The following PRMT3 variants were observed in gnomAD, a reference collection of about 807,000 sequenced individuals.
PRMT3 encodes protein arginine methyltransferase 3.
PRMT3 carries 62 observed loss-of-function variants against 71.9 expected under a neutral mutation model. The ratio of observed to expected loss-of-function variants is 0.86; its 90% confidence interval spans 0.70 to 1.07. PRMT3 has a LOEUF of 1.07. Among genes scored for constraint, PRMT3 ranks in the 50% least tolerant of loss-of-function variants. The probability of loss-of-function intolerance (pLI) is 0.00; values close to 1 mark genes in which losing one functional copy is unlikely to be tolerated. For synonymous variants in PRMT3, 213 were observed against 220.4 expected (o/e 0.97, Z 0.30); for missense variants, 663 against 643.0 (o/e 1.03, Z -0.34).
chr11:20,478,484 T>C (rs981916877), intron 13 of PRMT3, among the ~76,000 whole-genome samples: 2 of 151,938 alleles, frequency 1.3e-5, no homozygotes, highest in Non-Finnish European at 2.9e-5. Context: ...CAAGCAATGA[T>C]TGTACCACTG....
intron 13 of PRMT3, among the ~76,000 whole-genome samples, chr11:20,468,546 T>C (rs750343870): frequency 6.6e-6 from 1 of 152,146 alleles, no homozygotes; most frequent in Non-Finnish European, 1.5e-5. Flanking sequence ...TTTTTGTATT[T>C]TTAGTAGAGA....
At chr11:20,459,286 A>G (rs1040501192) in intron 11 of PRMT3, among the ~76,000 whole-genome samples, 2 of 152,196 alleles carry the variant, frequency 1.3e-5, no homozygotes, top group African/African-American at 4.8e-5. Context: ...TATGTTAAGT[A>G]TCTTGAATGT....
rs2133401590 is a variant in PRMT3 at position 20,462,029 on chromosome 11, T to C, written c.1122T>C (p.Asn374=). The change falls in exon 12 of 16, where the codon AAT becomes AAC. Residue 374 remains asparagine, a synonymous_variant. Transcript: ENST00000331079. The part of the protein sequence containing the change: ...TISLVAVSDV[N]KHADRIAFWD... ...GCCTTGTAGCAGTGAGTGATGTGAATAAACATGCTGATAGAATTGCTTTTT... is the reference window on the plus strand; with the variant it reads ...GCCTTGTAGCAGTGAGTGATGTGAACAAACATGCTGATAGAATTGCTTTTT... 6.2e-7 allele frequency: 1 copy of C among 1,612,726 alleles called. No homozygotes were observed.
chr11:20,389,090 G>A (rs929344080), intron 2 of PRMT3, among the ~76,000 whole-genome samples: 7 of 152,082 alleles, frequency 4.6e-5, no homozygotes, highest in African/African-American at 1.4e-4. Context: ...AACCTATCTC[G>A]GTAAACATTT....
At chr11:20,422,300 C>T (rs1485537588) in intron 9 of PRMT3, among the ~76,000 whole-genome samples, 1 of 151,640 alleles carries the variant, frequency 6.6e-6, no homozygotes, top group Admixed American at 6.6e-5. Context: ...TTTTTTTTTA[C>T]TGAATACTCT....
In PRMT3 at chr11:20,508,403, G is replaced by A; in HGVS notation, c.1586G>A (p.Gly529Asp). 6.2e-7 allele frequency: 1 copy of A among 1,601,026 alleles called. No homozygotes were observed. Among genetic ancestry groups the A allele is most frequent in the South Asian group, 1.1e-5 (1 of 90,794 alleles). Residue 529 changes from glycine to aspartate, a missense_variant, in exon 16 of 16, where the codon GGT becomes GAT. Coordinates refer to ENST00000331079, the MANE Select transcript of PRMT3 (RefSeq NM_005788.4). ...LTLNNSTQTYGLQ is the reference protein window; with the variant it reads ...LTLNNSTQTYDLQ The stretch of plus-strand genomic sequence containing the variant: ...TTGAATAATTCAACTCAAACTTATG[G>A]TCTCCAGTGAAACAGCCATAAAAGC...
chr11:20,418,709 T>C (rs961932635), intron 9 of PRMT3, among the ~76,000 whole-genome samples: 1 of 152,052 alleles, frequency 6.6e-6, no homozygotes, highest in Non-Finnish European at 1.5e-5. Context: ...AGTATTTTGG[T>C]AAGCAACAAG....
intron 15 of PRMT3, among the ~76,000 whole-genome samples, chr11:20,498,860 G>A (rs925241545): frequency 4.6e-5 from 7 of 152,148 alleles, no homozygotes; most frequent in Non-Finnish European, 1.0e-4. Flanking sequence ...GAAACTAAAT[G>A]AAGACTTTTT....
chr11:20,462,254 A>G (rs1850403389), intron 12 of PRMT3, 87 bp downstream of exon 12: 1 of 1,093,002 alleles, frequency 9.1e-7, no homozygotes, highest in South Asian at 1.8e-5. Flanking sequence ...GATTTTATAT[A>G]TGGGCTTTCA....
At chr11:20,400,575 T>C (rs1399524227) in intron 7 of PRMT3, among the ~76,000 whole-genome samples, 1 of 152,156 alleles carries the variant, frequency 6.6e-6, no homozygotes, top group Non-Finnish European at 1.5e-5. Flanking sequence ...AAAGTGAAAT[T>C]TCAGTAATTT....
chr11:20,427,381 G>A (rs1048022814), intron 10 of PRMT3, among the ~76,000 whole-genome samples: 1 of 152,166 alleles, frequency 6.6e-6, no homozygotes, highest in Admixed American at 6.5e-5. Context: ...ATAATTTGCT[G>A]TTGAAATCTT....
intron 13 of PRMT3, among the ~76,000 whole-genome samples, chr11:20,468,793 G>A (rs1401616022): frequency 6.6e-6 from 1 of 152,180 alleles, no homozygotes; most frequent in African/African-American, 2.4e-5. Context: ...TAGCATGTAT[G>A]CTATAGACTG....
intron 10 of PRMT3, among the ~76,000 whole-genome samples, chr11:20,435,451 G>A (rs1235662756): frequency 6.6e-6 from 1 of 152,038 alleles, no homozygotes; most frequent in Non-Finnish European, 1.5e-5. Flanking sequence ...AGCCACCCAC[G>A]TCAGCCTCCC....
chr11:20,494,028 T>C, intron 14 of PRMT3, 59 bp downstream of exon 14: 1 of 1,481,342 alleles, frequency 6.8e-7, no homozygotes, highest in Non-Finnish European at 9.3e-7. Context: ...TTATATTTTA[T>C]TTTGTGCCCC....
intron 11 of PRMT3, 133 bp downstream of exon 11, chr11:20,452,341 G>T: frequency 1.5e-6 from 1 of 656,594 alleles, no homozygotes. Flanking sequence ...ATTACAAGAA[G>T]CTTTAAGACA....
chr11:20,422,764 T>C (rs896997998), intron 9 of PRMT3, among the ~76,000 whole-genome samples: 4 of 152,176 alleles, frequency 2.6e-5, no homozygotes, highest in Admixed American at 1.3e-4. Context: ...GCTAACATAG[T>C]TTCAAGTCAG....
chr11:20,393,260 A>C (rs1341104175), intron 5 of PRMT3, among the ~76,000 whole-genome samples: 3 of 152,182 alleles, frequency 2.0e-5, no homozygotes, highest in Non-Finnish European at 4.4e-5. Flanking sequence ...ATCATGGCTA[A>C]CACAGTGAAA....
intron 10 of PRMT3, among the ~76,000 whole-genome samples, chr11:20,436,657 T>C (rs1849766977): frequency 6.6e-6 from 1 of 152,200 alleles, no homozygotes; most frequent in Admixed American, 6.5e-5. Flanking sequence ...AGTGATCTTC[T>C]GATGTGCCAC....
chr11:20,419,686 T>G (rs1849384004), intron 9 of PRMT3, among the ~76,000 whole-genome samples: 1 of 152,172 alleles, frequency 6.6e-6, no homozygotes, highest in Non-Finnish European at 1.5e-5. Context: ...TTTTTTGGTA[T>G]TCTCTTTAGA....
Sources: allele counts gnomAD v4.1 joint callset (sites outside exome capture counted in the v4.1 genomes callset), GRCh38; gene constraint gnomAD v4.1.1; transcripts MANE v1.5; gene names NCBI Gene and HGNC (gene_info 2026-07-23, HGNC 2026-07-21).